Variants in DLGAP2 observed in about 807,000 individuals in gnomAD.
DLGAP2 encodes disks large-associated protein 2.
Under a neutral mutation model 100.3 loss-of-function variants are expected in DLGAP2, and 26 were observed. That is an observed-to-expected ratio of 0.26 (90% confidence interval 0.19 to 0.36). The LOEUF (loss-of-function observed/expected upper bound fraction) is 0.36, where lower values mean the gene tolerates loss of function less well. DLGAP2 is among the 10% of genes least tolerant of loss of function. DLGAP2 has a pLI of 1.00. For missense variants in DLGAP2, 1,858 were observed against 1,453.2 expected, an observed-to-expected ratio of 1.28 and a Z score of -4.53; for synonymous variants, 886 against 630.1, an observed-to-expected ratio of 1.41 and a Z score of -6.08.
intron 3 of DLGAP2, among the ~76,000 whole-genome samples, chr8:1,355,440 C>A (rs1272056086): frequency 1.3e-5 from 2 of 152,162 alleles, no homozygotes; most frequent in Non-Finnish European, 2.9e-5. Flanking sequence ...TCTTGGCTCA[C>A]TGCAACCTCC....
At chr8:1,271,795 C>G (rs867584100) in intron 3 of DLGAP2, among the ~76,000 whole-genome samples, 2 of 152,084 alleles carry the variant, frequency 1.3e-5, no homozygotes, top group Non-Finnish European at 1.5e-5. Flanking sequence ...AGAATGATTT[C>G]TTTTTAATTT....
chr8:1,558,110 A>T (rs1361308738), intron 5 of DLGAP2, among the ~76,000 whole-genome samples: 1 of 152,136 alleles, frequency 6.6e-6, no homozygotes, highest in African/African-American at 2.4e-5. Flanking sequence ...TGTGGCATCC[A>T]CGCATCCTGG....
chr8:1,464,284 A>ACCCTTCCAGAATGGCATCCTTCCAGG lies in DLGAP2; in HGVS notation c.107-37082_107-37081insCCCTTCCAGAATGGCATCCTTCCAGG, dbSNP rs1563164836. On this transcript the variant is annotated intron_variant, in intron 3 of 14. Coordinates refer to ENST00000637795, the MANE Select transcript of DLGAP2 (RefSeq NM_001346810.2). ...TTCCAGGACGGCACCCTTCCAGGAC[A>ACCCTTCCAGAATGGCATCCTTCCAGG]ACGCCCTTCCAGGATGGCACCCTTC... 1.2e-3 allele frequency among the ~76,000 whole-genome samples: 73 copies of ACCCTTCCAGAATGGCATCCTTCCAGG among 62,506 alleles called. 17 individuals carry two copies. Among genetic ancestry groups the ACCCTTCCAGAATGGCATCCTTCCAGG allele is most frequent in the East Asian group, 2.7e-3 (3 of 1,094 alleles). 41.0% of individuals were successfully genotyped at this position (62,506 alleles called of 152,430 possible).
At chr8:864,908 T>C (rs1674992175) in intron 1 of DLGAP2, among the ~76,000 whole-genome samples, 1 of 152,222 alleles carries the variant, frequency 6.6e-6, no homozygotes, top group East Asian at 1.9e-4. Context: ...CCTCTTTAAA[T>C]GTTTCTTCTT....
chr8:1,332,989 C>T (rs1282340464), intron 3 of DLGAP2, among the ~76,000 whole-genome samples: 2 of 152,176 alleles, frequency 1.3e-5, no homozygotes, highest in African/African-American at 4.8e-5. Context: ...TCGTCAGGCC[C>T]CCCTTCCTCG....
chr8:1,296,200 G>A (rs1800168736), intron 3 of DLGAP2: 1 of 152,086 alleles, frequency 6.6e-6, no homozygotes, highest in African/African-American at 2.4e-5. Flanking sequence ...GGTGGGCTGA[G>A]ACCCTTGATG....
chr8:936,222 G>A (rs1453629943), intron 2 of DLGAP2, among the ~76,000 whole-genome samples: 1 of 152,172 alleles, frequency 6.6e-6, no homozygotes, highest in African/African-American at 2.4e-5. Flanking sequence ...GCAGAGCCTA[G>A]AGGGCCAGAG....
At chr8:1,503,101 G>A (rs1414714831) in intron 4 of DLGAP2, among the ~76,000 whole-genome samples, 1 of 152,214 alleles carries the variant, frequency 6.6e-6, no homozygotes, top group Non-Finnish European at 1.5e-5. Context: ...GAGGCAGAAT[G>A]TCACATGGGT....
chr8:1,379,469 A>G (rs1468265398), intron 3 of DLGAP2: 1 of 152,262 alleles, frequency 6.6e-6, no homozygotes, highest in Non-Finnish European at 1.5e-5. Flanking sequence ...GCCTCTCCTC[A>G]TGGCGAATTT....
chr8:820,689 G>A (rs1016835866), intron 1 of DLGAP2, among the ~76,000 whole-genome samples: 48 of 152,292 alleles, frequency 3.2e-4, no homozygotes, highest in African/African-American at 1.1e-3. Flanking sequence ...TTGGGCTCAT[G>A]TGCATATCCT....
intron 2 of DLGAP2, among the ~76,000 whole-genome samples, chr8:1,102,507 T>C (rs574221822): frequency 1.7e-4 from 26 of 152,018 alleles, no homozygotes; most frequent in African/African-American, 6.3e-4. Context: ...TCGTGGGATT[T>C]GAGAGAGAGT....
intron 6 of DLGAP2, among the ~76,000 whole-genome samples, chr8:1,601,222 G>T (rs1796612737): frequency 6.6e-6 from 1 of 152,226 alleles, no homozygotes; most frequent in Admixed American, 6.5e-5. Context: ...AGCAAAGATT[G>T]CTGCCTGTTC....
chr8:1,325,396 C>A (rs553276813), intron 3 of DLGAP2, among the ~76,000 whole-genome samples: 1 of 152,342 alleles, frequency 6.6e-6, no homozygotes, highest in South Asian at 2.1e-4. Context: ...CAGCCCTGGT[C>A]CCTGGGTGTG....
intron 6 of DLGAP2, among the ~76,000 whole-genome samples, chr8:1,583,756 A>G (rs1214433841): frequency 1.3e-5 from 2 of 151,954 alleles, no homozygotes; most frequent in Non-Finnish European, 2.9e-5. Flanking sequence ...TGCCTCTCAC[A>G]TCAAAGGCTG....
At chr8:1,645,690 G>C (rs1207868903) in intron 8 of DLGAP2, among the ~76,000 whole-genome samples, 1 of 152,152 alleles carries the variant, frequency 6.6e-6, no homozygotes, top group Non-Finnish European at 1.5e-5. Context: ...TACCTTAAAA[G>C]GTTGTAATTT....
chr8:771,708 G>C (rs906427745), intron 1 of DLGAP2, among the ~76,000 whole-genome samples: 4 of 152,210 alleles, frequency 2.6e-5, no homozygotes, highest in African/African-American at 7.2e-5. Context: ...CCCACTGTTA[G>C]GTGAAAATAT....
chr8:1,548,458 GAAAAAAAA>G (rs773138776), intron 4 of DLGAP2, among the ~76,000 whole-genome samples, 160 bp from the exon 5 acceptor site: 778 of 41,570 alleles, frequency 0.019, 16 homozygotes, highest in African/African-American at 0.066. Context: ...GACTGTCTCA[GAAAAAAAA>G]AAAAAAAAAA....
chr8:1,287,833 C>CGTGT (rs1248811227), intron 3 of DLGAP2, among the ~76,000 whole-genome samples: 1 of 73,216 alleles, frequency 1.4e-5, no homozygotes, highest in Non-Finnish European at 2.5e-5. Flanking sequence ...TTTGGTTCAG[C>CGTGT]GTGTGTGTGT....
At chr8:1,582,148 TGTA>T (rs1430933776) in intron 6 of DLGAP2, among the ~76,000 whole-genome samples, 5 of 121,552 alleles carry the variant, frequency 4.1e-5, no homozygotes, top group South Asian at 2.6e-4. Flanking sequence ...ACCCCACACA[TGTA>T]CACACCACAG....
Sources: gnomAD v4.1 joint callset for allele counts (sites outside exome capture counted in the v4.1 genomes callset) on GRCh38, gnomAD v4.1.1 for gene constraint, MANE v1.5 for transcripts, NCBI Gene and HGNC (gene_info 2026-07-23, HGNC 2026-07-21) for gene names.